Variants in PCMT1 observed in about 807,000 individuals in gnomAD.
PCMT1 encodes protein-L-isoaspartate (D-aspartate) O-methyltransferase, also known as protein-L-isoaspartate(D-aspartate) O-methyltransferase.
In PCMT1, 9 loss-of-function variants were observed where a neutral mutation model predicts 29.2. The ratio of observed to expected loss-of-function variants is 0.31; its 90% CI spans 0.19 to 0.54. The LOEUF (loss-of-function observed/expected upper bound fraction) is 0.54. PCMT1 is among the 20% of genes least tolerant of loss of function. PCMT1 has a pLI of 0.95. For synonymous variants in PCMT1, 98 were observed against 97.5 expected (o/e 1.00, Z -0.03); for missense variants, 184 against 282.2 (o/e 0.65, Z 2.49).
chr6:149,807,296 G>A lies in PCMT1; in HGVS notation c.*38-3320G>A, dbSNP rs149695373. ...GCTACAGAAAGTTAATAGTTCTTAA[G>A]TATTATTTTATTTTAAATAAATAAT... is the stretch of plus-strand genomic sequence containing the variant. On this transcript the variant is annotated intron_variant, in intron 7 of 7. Transcript: ENST00000464889. 4.7e-3 allele frequency among the ~76,000 whole-genome samples: 722 copies of A among 152,134 alleles called. 5 individuals are homozygous for A. Among genetic ancestry groups the A allele is most frequent in the African/African-American group, 0.016 (684 of 41,506 alleles).
At chr6:149,795,920 C>A (rs907381264) in intron 5 of PCMT1, among the ~76,000 whole-genome samples, 1 of 152,156 alleles carries the variant, frequency 6.6e-6, no homozygotes, top group African/African-American at 2.4e-5. Context: ...AGTGCCGTTT[C>A]ATGCTTTAGA....
At chr6:149,782,901 A>C (rs1729307685) in intron 3 of PCMT1, among the ~76,000 whole-genome samples, 1 of 152,112 alleles carries the variant, frequency 6.6e-6, no homozygotes, top group African/African-American at 2.4e-5. Flanking sequence ...TGATGCGTGT[A>C]ATCTCAGCAC....
chr6:149,749,700 G>T (rs1243717708), upstream of PCMT1: 6 of 1,497,040 alleles, frequency 4.0e-6, no homozygotes, highest in Non-Finnish European at 5.3e-6. Flanking sequence ...GCCGCGCGGC[G>T]TCACAGAGCG....
intron 7 of PCMT1, among the ~76,000 whole-genome samples, chr6:149,805,573 A>G (rs770329967): frequency 9.2e-5 from 14 of 151,944 alleles, no homozygotes; most frequent in South Asian, 6.2e-4. Context: ...CAGCCTGGGC[A>G]ACAGAGCGAG....
At chr6:149,771,304 C>T (rs368948790) in intron 2 of PCMT1, 38 bp downstream of exon 2, 55 of 1,233,464 alleles carry the variant, frequency 4.5e-5, no homozygotes, top group Admixed American at 9.3e-5. Context: ...TAGTTTTCAT[C>T]ATTTACTTTA....
In PCMT1 at chr6:149,761,026, AGTGT is replaced by A. The variant is rs57501586; in HGVS notation, c.56-10111_56-10108del. On this transcript the variant is annotated intron_variant, in intron 1 of 7. Coordinates refer to ENST00000464889, the MANE Select transcript of PCMT1 (RefSeq NM_001360452.2). ...GGATTATAGAGGATGCAGGTAAAAA[AGTGT>A]GTGTGTGTGTGTGTGTGTGTGTGTA... Among the ~76,000 whole-genome samples, 353 of 149,736 alleles carry A rather than the reference AGTGT, an allele frequency of 2.4e-3. 2 individuals are homozygous for A. Among genetic ancestry groups the A allele is most frequent in the Middle Eastern group, 6.9e-3 (2 of 288 alleles).
At chr6:149,755,376 A>G (rs1583000696) in intron 1 of PCMT1, among the ~76,000 whole-genome samples, 1 of 152,164 alleles carries the variant, frequency 6.6e-6, no homozygotes, top group Non-Finnish European at 1.5e-5. Flanking sequence ...GCAGTAAGCC[A>G]AGATCATGCC....
At chr6:149,750,971 T>G (rs1786289920) in intron 1 of PCMT1, among the ~76,000 whole-genome samples, 1 of 152,200 alleles carries the variant, frequency 6.6e-6, no homozygotes, top group Non-Finnish European at 1.5e-5. Flanking sequence ...CATGTGTTTG[T>G]CTTATTTCTC....
chr6:149,760,804 A>T (rs1004111522), intron 1 of PCMT1, among the ~76,000 whole-genome samples: 1 of 152,140 alleles, frequency 6.6e-6, no homozygotes, highest in Non-Finnish European at 1.5e-5. Context: ...GTGAGCCAAG[A>T]TCGTACCACT....
At chr6:149,787,198 G>C (rs1424271453) in intron 3 of PCMT1, among the ~76,000 whole-genome samples, 2 of 146,684 alleles carry the variant, frequency 1.4e-5, no homozygotes, top group Non-Finnish European at 3.0e-5. Context: ...GAATCAGGCA[G>C]GGAGATTGCA....
intron 3 of PCMT1, among the ~76,000 whole-genome samples, chr6:149,778,520 C>G (rs974550252): frequency 6.6e-6 from 1 of 151,410 alleles, no homozygotes; most frequent in African/African-American, 2.4e-5. Flanking sequence ...TGAGCCACTG[C>G]GTCTAGCCCT....
At position 149,800,851 on chromosome 6, in the gene PCMT1, A is replaced by G. The variant is rs562588242; in HGVS notation, c.505-1349A>G. 6.6e-4 allele frequency among the ~76,000 whole-genome samples: 100 copies of G among 152,310 alleles called. 1 individual carries two copies. Among genetic ancestry groups the G allele is most frequent in the Admixed American group, 6.5e-3 (99 of 15,306 alleles). On this transcript the variant is annotated intron_variant, in intron 6 of 7. Coordinates refer to ENST00000464889, the MANE Select transcript of PCMT1 (RefSeq NM_001360452.2). Reference sequence around the variant, plus strand: ...CTTCCTTCAAACCCACAAAGATTCAAAACAGGCACACAGGCATTAGAATTC... The same window carrying G: ...CTTCCTTCAAACCCACAAAGATTCAGAACAGGCACACAGGCATTAGAATTC...
Position 149,749,749 on chromosome 6 carries a change from G to A in PCMT1, c.-153G>A, listed in dbSNP as rs542294016. The A allele has an allele frequency of 4.5e-6, 7 of 1,545,498 alleles. No homozygotes were observed. The highest frequency in any genetic ancestry group is 6.1e-6 in the Non-Finnish European group (7 of 1,144,440). ...GGGGATGCCGGGAGCGCGCAGTGGCGGCAGCGGCGGCGACGGCAGTAACAG... is the reference window on the plus strand; with the variant it reads ...GGGGATGCCGGGAGCGCGCAGTGGCAGCAGCGGCGGCGACGGCAGTAACAG... On this transcript the variant is annotated 5_prime_UTR_variant, in exon 1 of 8. Coordinates refer to ENST00000464889, the MANE Select transcript of PCMT1 (RefSeq NM_001360452.2).
At chr6:149,803,917 C>G (rs1775930157) in intron 7 of PCMT1, among the ~76,000 whole-genome samples, 1 of 150,636 alleles carries the variant, frequency 6.6e-6, no homozygotes, top group Non-Finnish European at 1.5e-5. Flanking sequence ...CCTGTCTCTA[C>G]TAAAAACACA....
In PCMT1 at chr6:149,802,248, C is replaced by T; in HGVS notation, c.553C>T (p.Pro185Ser). 6.2e-7 allele frequency: 1 copy of T among 1,612,330 alleles called. No homozygotes were observed. The highest frequency in any genetic ancestry group is 8.5e-7 in the Non-Finnish European group (1 of 1,179,100). The change falls in exon 7 of 8, where the codon CCT becomes TCT. Residue 185 changes from proline (P) to serine (S), a missense_variant. Physicochemically the swap from Pro to Ser is moderately conservative, Grantham distance 74 (BLOSUM62 -1). Coordinates refer to ENST00000464889, the MANE Select transcript of PCMT1 (RefSeq NM_001360452.2). Reference protein sequence around the residue: ...PGGRLILPVGPAGGNQMLEQY... With the variant: ...PGGRLILPVGSAGGNQMLEQY... ...AGGAAGATTGATATTGCCTGTTGGT[C>T]CTGCAGGCGGAAACCAAATGTTGGA...
chr6:149,785,741 C>T (rs1488477022), intron 3 of PCMT1, among the ~76,000 whole-genome samples: 5 of 151,536 alleles, frequency 3.3e-5, no homozygotes, highest in Non-Finnish European at 5.9e-5. Context: ...CACAGATCAA[C>T]AGGATCCCAA....
intron 4 of PCMT1, among the ~76,000 whole-genome samples, chr6:149,790,597 G>T (rs1187508932): frequency 1.3e-5 from 2 of 150,030 alleles, no homozygotes; most frequent in African/African-American, 4.9e-5. Context: ...ATCTCATGGT[G>T]CAGGGACCCT....
At chr6:149,750,368 G>C (rs578257898) in intron 1 of PCMT1, 1 of 183,476 alleles carries the variant, frequency 5.5e-6, no homozygotes, top group Admixed American at 6.2e-5. Flanking sequence ...CCCCACCCTC[G>C]TCCCCTGCAT....
intron 4 of PCMT1, 79 bp from the exon 5 acceptor site, chr6:149,793,470 C>T (rs12182220): frequency 0.4 from 512,995 of 1,267,844 alleles, 115,309 homozygotes; most frequent in African/African-American, 0.81. Flanking sequence ...ATATGACTTT[C>T]GATAAGGAAA....
Sources: gnomAD v4.1 joint callset for allele counts (sites outside exome capture counted in the v4.1 genomes callset) on GRCh38, gnomAD v4.1.1 for gene constraint, MANE v1.5 for transcripts, NCBI Gene and HGNC (gene_info 2026-07-23, HGNC 2026-07-21) for gene names.